The following KIAA0825 variants were observed in gnomAD, a reference collection of about 807,000 sequenced individuals.
The protein encoded by KIAA0825 is KIAA0825.
A neutral mutation model predicts 147.6 loss-of-function variants in KIAA0825; 119 were observed. The ratio of observed to expected loss-of-function variants is 0.81; its 90% CI spans 0.69 to 0.94. The LOEUF is 0.94. Ranked by LOEUF, KIAA0825 falls within the 40% of genes least tolerant of loss-of-function variation. The pLI is 0.00. For synonymous variants in KIAA0825, 470 were observed against 518.1 expected (o/e 0.91, Z 1.26); for missense variants, 1,381 against 1,472.7 (o/e 0.94, Z 1.02).
chr5:94,256,598 GTAT>G (rs1776265704), intron 20 of KIAA0825, among the ~76,000 whole-genome samples: 1 of 152,068 alleles, frequency 6.6e-6, no homozygotes, highest in African/African-American at 2.4e-5. Context: ...GATTTTTAAA[GTAT>G]TATTAATAAA....
chr5:94,475,810 A>AAAAAGAAAAG (rs151020241), intron 7 of KIAA0825, among the ~76,000 whole-genome samples: 3 of 152,112 alleles, frequency 2.0e-5, no homozygotes, highest in Non-Finnish European at 4.4e-5. Context: ...CTATGTCTCA[A>AAAAAGAAAAG]AAAAGAAAAG....
chr5:94,307,767 CCT>C (rs1013998607), intron 20 of KIAA0825, among the ~76,000 whole-genome samples: 1 of 151,770 alleles, frequency 6.6e-6, no homozygotes, highest in Non-Finnish European at 1.5e-5. Context: ...CCCACAGAAT[CCT>C]CTGTCATTTG....
At chr5:94,462,621 T>G in intron 11 of KIAA0825, 52 bp from the exon 12 acceptor site, 1 of 1,109,456 alleles carries the variant, frequency 9.0e-7, no homozygotes, top group Non-Finnish European at 1.3e-6. Context: ...ATGTCTCTGC[T>G]TGGTAGGCAC....
At chr5:94,592,144 C>T (rs1465866691) in intron 1 of KIAA0825, among the ~76,000 whole-genome samples, 1 of 152,194 alleles carries the variant, frequency 6.6e-6, no homozygotes, top group Non-Finnish European at 1.5e-5. Context: ...AGTCTTAACT[C>T]ATTTCAGCAT....
chr5:94,209,813 T>C (rs1029072754), intron 20 of KIAA0825, among the ~76,000 whole-genome samples: 8 of 152,170 alleles, frequency 5.3e-5, no homozygotes, highest in Admixed American at 4.6e-4. Flanking sequence ...TAATGTCTTC[T>C]AGGAATCCCT....
chr5:94,612,532 T>C (rs1457010576), intron 1 of KIAA0825, among the ~76,000 whole-genome samples: 1 of 152,104 alleles, frequency 6.6e-6, no homozygotes, highest in Non-Finnish European at 1.5e-5. Flanking sequence ...TCTCCTTCAT[T>C]CTTCACAAGC....
At chr5:94,236,350 G>T (rs1364784608) in intron 20 of KIAA0825, among the ~76,000 whole-genome samples, 2 of 152,196 alleles carry the variant, frequency 1.3e-5, no homozygotes, top group African/African-American at 4.8e-5. Flanking sequence ...AACAGCAGGA[G>T]AACTTGAATT....
chr5:94,552,861 T>C (rs2152263465), intron 2 of KIAA0825, among the ~76,000 whole-genome samples: 1 of 152,180 alleles, frequency 6.6e-6, no homozygotes, highest in Non-Finnish European at 1.5e-5. Flanking sequence ...TAGTAGAAGC[T>C]GAGAAAGGTA....
chr5:94,604,442 C>G (rs1787099072), intron 1 of KIAA0825, among the ~76,000 whole-genome samples: 1 of 152,074 alleles, frequency 6.6e-6, no homozygotes, highest in Non-Finnish European at 1.5e-5. Context: ...ACCTTTAATC[C>G]TGGCCACTTG....
chr5:94,473,528 T>C lies in KIAA0825; in HGVS notation c.1228-9A>G, dbSNP rs779147795. The C allele has an allele frequency of 3.9e-5, 59 of 1,499,342 alleles. No individual in the cohort carries two copies. Among genetic ancestry groups the C allele is most frequent in the Non-Finnish European group, 5.3e-5 (58 of 1,099,402 alleles). 92.9% of individuals were successfully genotyped at this position (1,499,342 alleles called of 1,614,324 possible). On this transcript the variant is annotated splice_polypyrimidine_tract_variant and intron_variant, in intron 7 of 20. Transcript: ENST00000682413. ...AAATCTAGTAAGGTAGCCTGAAATA[T>C]CAATGTATATGAAGTCATGTTAATC...
At chr5:94,350,062 T>C (rs1375610545) in intron 20 of KIAA0825, among the ~76,000 whole-genome samples, 1 of 151,092 alleles carries the variant, frequency 6.6e-6, no homozygotes, top group Non-Finnish European at 1.5e-5. Context: ...AGAGAGAAAA[T>C]CCAAATAACC....
intron 14 of KIAA0825, among the ~76,000 whole-genome samples, chr5:94,437,886 C>A (rs1283335419): frequency 6.6e-6 from 1 of 152,160 alleles, no homozygotes; most frequent in African/African-American, 2.4e-5. Context: ...AAGTGAAGCA[C>A]CATGTTTTAT....
rs537443581 is a variant in KIAA0825 at position 94,549,906 on chromosome 5, A to G, written c.-1-12779T>C. Reference sequence around the variant, plus strand: ...TCAAAATTAGTATAAAAAAAGAAATAATAAACATCAGAGTGGAAATAAATG... The same window carrying G: ...TCAAAATTAGTATAAAAAAAGAAATGATAAACATCAGAGTGGAAATAAATG... On this transcript the variant is annotated intron_variant, in intron 2 of 20. Coordinates refer to ENST00000682413, the MANE Select transcript of KIAA0825 (RefSeq NM_001145678.3). Among the ~76,000 whole-genome samples the G allele has an allele frequency of 5.3e-5, 8 of 152,274 alleles. No homozygotes were observed. In the East Asian group the frequency reaches 1.5e-3, roughly 29 times the overall value.
intron 2 of KIAA0825, among the ~76,000 whole-genome samples, chr5:94,577,527 T>C (rs1781298381): frequency 6.6e-6 from 1 of 152,218 alleles, no homozygotes; most frequent in African/African-American, 2.4e-5. Context: ...CCAGACCTAG[T>C]GAATTAAACT....
Position 94,152,839 on chromosome 5 carries a change from AAAAAAAAAAAAAAAAATTATATATAT to A in KIAA0825, c.*1142_*1167del, listed in dbSNP as rs1766606493. The A allele has an allele frequency of 3.1e-5, 1 of 32,482 alleles. No individual in the cohort carries two copies. Among genetic ancestry groups the A allele is most frequent in the Non-Finnish European group, 6.1e-5 (1 of 16,440 alleles). 2.0% of individuals were successfully genotyped at this position (32,482 alleles called of 1,614,324 possible). ...CTAAAATGAAAAAAAAAAAAAAAAA[AAAAAAAAAAAAAAAAATTATATATAT>A]ATATATATATATATATATATATATA... is the stretch of plus-strand genomic sequence containing the variant. On this transcript the variant is annotated 3_prime_UTR_variant, in exon 21 of 21. Transcript: ENST00000682413.
chr5:94,569,487 C>A (rs1779457933), intron 2 of KIAA0825: 1 of 410,966 alleles, frequency 2.4e-6, no homozygotes, highest in Non-Finnish European at 4.5e-6. Context: ...CGGACTACAA[C>A]CACGACCAAT....
At chr5:94,253,847 T>TG (rs1776102555) in intron 20 of KIAA0825, among the ~76,000 whole-genome samples, 1 of 152,174 alleles carries the variant, frequency 6.6e-6, no homozygotes, top group Non-Finnish European at 1.5e-5. Flanking sequence ...GAGGTAAAGT[T>TG]ATGAGCTCAG....
At chr5:94,512,341 C>T (rs1766603779) in intron 5 of KIAA0825, among the ~76,000 whole-genome samples, 1 of 151,848 alleles carries the variant, frequency 6.6e-6, no homozygotes, top group South Asian at 2.1e-4. Flanking sequence ...AAATAATATT[C>T]AACGTTTATA....
At chr5:94,207,039 G>A (rs1214363987) in intron 20 of KIAA0825, among the ~76,000 whole-genome samples, 1 of 151,998 alleles carries the variant, frequency 6.6e-6, no homozygotes, top group Non-Finnish European at 1.5e-5. Flanking sequence ...TGTTATATAA[G>A]GAATTATGTT....
Sources: allele counts gnomAD v4.1 joint callset (sites outside exome capture counted in the v4.1 genomes callset), GRCh38; gene constraint gnomAD v4.1.1; transcripts MANE v1.5; gene names NCBI Gene and HGNC (gene_info 2026-07-23, HGNC 2026-07-21).